PRMT8: variants seen among roughly 807,000 people sequenced by gnomAD.
PRMT8 encodes protein arginine N-methyltransferase 8.
PRMT8 carries 7 observed loss-of-function variants against 47.1 expected under a neutral mutation model. The observed-to-expected ratio is 0.15, with a 90% CI of 0.08 to 0.28. The LOEUF is 0.28. PRMT8 is among the 10% of genes least tolerant of loss of function. The probability of loss-of-function intolerance (pLI) is 1.00; values close to 1 mark genes in which losing one functional copy is unlikely to be tolerated. For synonymous variants in PRMT8, 188 were observed against 186.5 expected (o/e 1.01, Z -0.07); for missense variants, 237 against 505.4 (o/e 0.47, Z 5.09).
rs1866557513 is a variant in PRMT8, at chr12:3,557,990, C to G, written c.481+4276C>G. Among the ~76,000 whole-genome samples, 1 of 152,156 alleles carries G rather than the reference C, an allele frequency of 6.6e-6. No homozygotes were observed. On this transcript the variant is annotated intron_variant, in intron 4 of 9. Transcript: ENST00000382622. The surrounding 1 kb of genome is among the most constrained non-coding windows in gnomAD (Gnocchi z 4.7). ...TGACCCAGCCCCTGACTCTTCGTCTCCCTCTCAGTGCCAGCCCACCCCCAG... is the reference window on the plus strand; with the variant it reads ...TGACCCAGCCCCTGACTCTTCGTCTGCCTCTCAGTGCCAGCCCACCCCCAG...
At chr12:3,591,822 C>A (rs1269272742) in intron 8 of PRMT8, among the ~76,000 whole-genome samples, 1 of 152,184 alleles carries the variant, frequency 6.6e-6, no homozygotes, top group African/African-American at 2.4e-5. Context: ...GCCTACTCTA[C>A]AAATCTCTTC....
At chr12:3,381,998 CT>C (rs1203672277) in intron 1 of PRMT8, among the ~76,000 whole-genome samples, 3 of 152,178 alleles carry the variant, frequency 2.0e-5, no homozygotes, top group African/African-American at 7.2e-5. Flanking sequence ...CTGGGATTGA[CT>C]TTTTTGGTTT....
intron 1 of PRMT8, among the ~76,000 whole-genome samples, chr12:3,438,603 G>T (rs1191161571): frequency 6.6e-6 from 1 of 152,222 alleles, no homozygotes; most frequent in Non-Finnish European, 1.5e-5. Flanking sequence ...ATGCACTGAT[G>T]ACAAATTCCT....
chr12:3,448,195 G>A (rs1020508700), intron 1 of PRMT8, among the ~76,000 whole-genome samples: 23 of 152,182 alleles, frequency 1.5e-4, no homozygotes, highest in Middle Eastern at 6.8e-3. Flanking sequence ...TGTAGAGGTG[G>A]GGTCTTGTTA....
chr12:3,589,844 A>T (rs1591619052), intron 8 of PRMT8, among the ~76,000 whole-genome samples: 1 of 152,166 alleles, frequency 6.6e-6, no homozygotes, highest in African/African-American at 2.4e-5. Flanking sequence ...CTCATAAGGC[A>T]TCGGATTAGG....
intron 1 of PRMT8, among the ~76,000 whole-genome samples, chr12:3,524,383 T>G (rs939517826): frequency 1.3e-5 from 2 of 152,012 alleles, no homozygotes; most frequent in Non-Finnish European, 2.9e-5. Flanking sequence ...AAACAGGAAA[T>G]ACTAGGCCCC....
intron 1 of PRMT8, among the ~76,000 whole-genome samples, chr12:3,442,859 A>G (rs1178624942): frequency 6.6e-6 from 1 of 151,928 alleles, no homozygotes; most frequent in Admixed American, 6.6e-5. Flanking sequence ...GGGTTTCACT[A>G]TGTTGGCCAG....
intron 1 of PRMT8, among the ~76,000 whole-genome samples, chr12:3,420,015 AAGAG>A (rs1202223528): frequency 1.3e-5 from 1 of 77,086 alleles, no homozygotes; most frequent in African/African-American, 4.9e-5. Context: ...AGAGAGGGGA[AAGAG>A]AGAGAGAGAG....
intron 1 of PRMT8, among the ~76,000 whole-genome samples, chr12:3,481,244 T>A (rs1184233827): frequency 6.6e-6 from 1 of 152,124 alleles, no homozygotes; most frequent in Non-Finnish European, 1.5e-5. Context: ...CCCTCTCTCC[T>A]CCCCCAAGGC....
intron 1 of PRMT8, among the ~76,000 whole-genome samples, chr12:3,464,353 GA>G (rs985542032): frequency 6.7e-6 from 1 of 149,650 alleles, no homozygotes; most frequent in African/African-American, 2.5e-5. Flanking sequence ...GTTTCCTTAA[GA>G]AAAAAAACAA....
At chr12:3,528,024 C>T (rs1242597225) in intron 1 of PRMT8, among the ~76,000 whole-genome samples, 1 of 152,134 alleles carries the variant, frequency 6.6e-6, no homozygotes, top group African/African-American at 2.4e-5. Context: ...TCATTCTTAT[C>T]TTAGTTCCTT....
intron 1 of PRMT8, among the ~76,000 whole-genome samples, chr12:3,439,291 A>G (rs947079208): frequency 2.0e-5 from 3 of 151,706 alleles, no homozygotes; most frequent in African/African-American, 7.3e-5. Context: ...ATCTGTTTTA[A>G]TGTTCTTATT....
chr12:3,545,954 C>T (rs1276603125), intron 2 of PRMT8, among the ~76,000 whole-genome samples: 1 of 152,212 alleles, frequency 6.6e-6, no homozygotes, highest in African/African-American at 2.4e-5. Context: ...AAGATAGATC[C>T]TCTGCTGGGT....
chr12:3,559,551 A>G (rs981471962), intron 4 of PRMT8, among the ~76,000 whole-genome samples: 1 of 152,240 alleles, frequency 6.6e-6, no homozygotes, highest in African/African-American at 2.4e-5. Flanking sequence ...AACCAATACC[A>G]TGGAGTTTCC....
At chr12:3,551,620 G>A (rs558855044) in intron 3 of PRMT8, 6 of 152,386 alleles carry the variant, frequency 3.9e-5, no homozygotes, top group African/African-American at 1.4e-4. Flanking sequence ...TTCCAGCTGC[G>A]GTGACTTGGC....
At chr12:3,457,022 G>A (rs1205054084) in intron 1 of PRMT8, among the ~76,000 whole-genome samples, 4 of 152,186 alleles carry the variant, frequency 2.6e-5, no homozygotes, top group Admixed American at 6.5e-5. Flanking sequence ...CCACCACTGG[G>A]ACTATTGTGC....
rs767118135 is a variant in PRMT8, at chr12:3,568,861, C to A, written c.624+13C>A. 22 of 1,613,814 alleles carry A rather than the reference C, an allele frequency of 1.4e-5. No individual in the cohort carries two copies. The highest frequency in any genetic ancestry group is 7.6e-6 in the Non-Finnish European group (9 of 1,179,914). On this transcript the variant is annotated intron_variant, in intron 5 of 9. Coordinates refer to ENST00000382622, the MANE Select transcript of PRMT8 (RefSeq NM_019854.5). ...GGACAAGTGGCTGGTAAGTGTCCTG[C>A]ATGCTGTCCCCGCGTTGGCCGGCTG...
At position 3,540,694 on chromosome 12, in the gene PRMT8, G is replaced by A. The variant is rs147727032; in HGVS notation, c.164G>A (p.Cys55Tyr). ...CATCATGTGTCCACTCAACCCAGCT[G>A]CCCAGGACGGGGCAAGATGTCCAAG... ...CVHHVSTQPS[C>Y]PGRGKMSKLL... Residue 55 changes from cysteine to tyrosine, a missense_variant, in exon 2 of 10, where the codon TGC (cysteine) becomes TAC (tyrosine). By Grantham distance (194) the Cys-to-Tyr change is radical (BLOSUM62 -2). Transcript: ENST00000382622. 1.9e-6 allele frequency: 3 copies of A among 1,591,616 alleles called. No individual in the cohort carries two copies. Among genetic ancestry groups the A allele is most frequent in the African/African-American group, 1.4e-5 (1 of 73,014 alleles).
At chr12:3,463,268 T>C (rs1865058516) in intron 1 of PRMT8, 1 of 152,222 alleles carries the variant, frequency 6.6e-6, no homozygotes, top group Non-Finnish European at 1.5e-5. Flanking sequence ...AGAATTTCTT[T>C]CTAATTCCTG....
Sources: allele counts gnomAD v4.1 joint callset (sites outside exome capture counted in the v4.1 genomes callset), GRCh38; gene constraint gnomAD v4.1.1; non-coding constraint Gnocchi (gnomAD v3.1); transcripts MANE v1.5; gene names NCBI Gene and HGNC (gene_info 2026-07-23, HGNC 2026-07-21).